The following CNTN3 variants were observed in gnomAD, a reference collection of about 807,000 sequenced individuals.
The protein encoded by CNTN3 is contactin 3, also known as contactin-3.
CNTN3 carries 60 observed loss-of-function variants against 119.1 expected under a neutral mutation model. The ratio of observed to expected loss-of-function variants is 0.50; its 90% CI spans 0.41 to 0.62. CNTN3 has a LOEUF of 0.62. CNTN3 is among the 20% of genes least tolerant of loss of function. The probability of loss-of-function intolerance (pLI) is 0.00; values close to 1 mark genes in which losing one functional copy is unlikely to be tolerated. For synonymous variants in CNTN3, 450 were observed against 438.7 expected, an observed-to-expected ratio of 1.03 and a Z score of -0.32; for missense variants, 1,101 against 1,242.4, an observed-to-expected ratio of 0.89 and a Z score of 1.71.
rs541776654 is a variant in CNTN3 at position 74,554,210 on chromosome 3, C to CA, written c.-80-33019dup. Among the ~76,000 whole-genome samples, 183 of 152,192 alleles carry CA rather than the reference C, an allele frequency of 1.2e-3. 4 individuals are homozygous for CA. In the South Asian group the frequency reaches 0.029, roughly 24 times the overall value. ...CATTGCTTGTTTTTGTTAGGTTTGT[C>CA]AAAGATCAGCTAGTGGTTGATGTGT... On this transcript the variant is annotated intron_variant, in intron 1 of 22. Transcript: ENST00000263665.
At chr3:74,393,266 G>A (rs551202966) in intron 5 of CNTN3, among the ~76,000 whole-genome samples, 1 of 152,236 alleles carries the variant, frequency 6.6e-6, no homozygotes, top group Non-Finnish European at 1.5e-5. Flanking sequence ...GTCTGTGTCT[G>A]AGAACACGCA....
intron 2 of CNTN3, among the ~76,000 whole-genome samples, chr3:74,507,748 C>T (rs2107096815): frequency 6.6e-6 from 1 of 151,328 alleles, no homozygotes; most frequent in South Asian, 2.1e-4. Context: ...TCTTCTGCCT[C>T]AGCCTCCTGA....
intron 4 of CNTN3, among the ~76,000 whole-genome samples, chr3:74,456,664 T>G (rs6776512): frequency 0.71 from 107,783 of 151,950 alleles, 38,550 homozygotes; most frequent in African/African-American, 0.79. Flanking sequence ...AAACAAAACA[T>G]TTGGATTGTT....
chr3:74,589,654 A>G (rs879864492), intron 1 of CNTN3, among the ~76,000 whole-genome samples: 4 of 147,682 alleles, frequency 2.7e-5, no homozygotes, highest in Admixed American at 2.7e-4. Flanking sequence ...AGACACATGC[A>G]CACGTATGTT....
At chr3:74,302,396 T>C (rs902583061) in intron 14 of CNTN3, among the ~76,000 whole-genome samples, 3 of 152,206 alleles carry the variant, frequency 2.0e-5, no homozygotes, top group African/African-American at 7.2e-5. Context: ...CTGCACAATA[T>C]TCTCTCTCAA....
intron 1 of CNTN3, among the ~76,000 whole-genome samples, chr3:74,572,708 G>C (rs749361000): frequency 6.6e-6 from 1 of 152,126 alleles, no homozygotes; most frequent in Non-Finnish European, 1.5e-5. Context: ...TTAATTACTT[G>C]CATAATTAAA....
At chr3:74,468,626 T>G (rs1313855986) in intron 4 of CNTN3, among the ~76,000 whole-genome samples, 1 of 152,096 alleles carries the variant, frequency 6.6e-6, no homozygotes, top group Non-Finnish European at 1.5e-5. Context: ...CTAAAACCAT[T>G]TAGATAAGAC....
At chr3:74,491,362 G>T (rs1367721857) in intron 3 of CNTN3, among the ~76,000 whole-genome samples, 1 of 151,972 alleles carries the variant, frequency 6.6e-6, no homozygotes, top group African/African-American at 2.4e-5. Flanking sequence ...AATTAGCCAG[G>T]TGTGATGGCA....
rs541085696 is a variant in CNTN3 at position 74,529,277 on chromosome 3, T to A, written c.-80-8085A>T. ...ATGGATTAACAATAGAAAAGTAATGTATCTTCCACGTTAAAATATTTCAAA... is the reference window on the plus strand; with the variant it reads ...ATGGATTAACAATAGAAAAGTAATGAATCTTCCACGTTAAAATATTTCAAA... On this transcript the variant is annotated intron_variant, in intron 1 of 22. Coordinates refer to ENST00000263665, the MANE Select transcript of CNTN3 (RefSeq NM_020872.3). Among the ~76,000 whole-genome samples the A allele has an allele frequency of 5.3e-5, 8 of 151,908 alleles. No homozygotes were observed. The South Asian group carries it at 1.2e-3, about 24-fold the overall frequency.
intron 1 of CNTN3, among the ~76,000 whole-genome samples, chr3:74,526,440 C>T (rs1261413577): frequency 6.6e-6 from 1 of 151,796 alleles, no homozygotes; most frequent in East Asian, 2.0e-4. Flanking sequence ...TCATGCATCA[C>T]ATAACTGATT....
In CNTN3 at chr3:74,263,167, T is replaced by C. The variant is rs957848099; in HGVS notation, c.*1234A>G. ...TCTGCTGATTTTAATTTATTCTCTATATATTGCTATGAAGTCACGTCTTCA... is the reference window on the plus strand; with the variant it reads ...TCTGCTGATTTTAATTTATTCTCTACATATTGCTATGAAGTCACGTCTTCA... On this transcript the variant is annotated 3_prime_UTR_variant, in exon 23 of 23. Transcript: ENST00000263665. 1.3e-5 allele frequency: 2 copies of C among 152,160 alleles called. No individual in the cohort carries two copies. Among genetic ancestry groups the C allele is most frequent in the Admixed American group, 6.6e-5 (1 of 15,260 alleles). The allele number at this position is 152,160 out of a possible 1,614,324, so 9.4% of individuals were successfully genotyped here.
chr3:74,477,903 G>C (rs1194492449), intron 4 of CNTN3, among the ~76,000 whole-genome samples: 3 of 151,956 alleles, frequency 2.0e-5, no homozygotes, highest in Non-Finnish European at 4.4e-5. Flanking sequence ...CCAGATGCAA[G>C]AATGGGTGCA....
At chr3:74,569,084 G>A (rs1704271717) in intron 1 of CNTN3, among the ~76,000 whole-genome samples, 1 of 152,160 alleles carries the variant, frequency 6.6e-6, no homozygotes, top group South Asian at 2.1e-4. Flanking sequence ...GAACTTGGCA[G>A]ATTAAGCAGA....
intron 5 of CNTN3, among the ~76,000 whole-genome samples, chr3:74,399,954 A>AATTG (rs1705152519): frequency 6.6e-6 from 1 of 152,156 alleles, no homozygotes; most frequent in African/African-American, 2.4e-5. Flanking sequence ...ATGGTGTCTT[A>AATTG]CTGATGTTTT....
intron 5 of CNTN3, among the ~76,000 whole-genome samples, chr3:74,378,934 A>G (rs998043464): frequency 2.0e-5 from 3 of 152,036 alleles, no homozygotes; most frequent in Non-Finnish European, 2.9e-5. Flanking sequence ...GGTACTCACT[A>G]TTTCCTTTTT....
At chr3:74,277,209 C>T (rs1187182413) in intron 20 of CNTN3, among the ~76,000 whole-genome samples, 1 of 151,482 alleles carries the variant, frequency 6.6e-6, no homozygotes, top group Non-Finnish European at 1.5e-5. Context: ...ACCATTGGAA[C>T]CAATCCTGTT....
At position 74,613,706 on chromosome 3, in the gene CNTN3, C is replaced by CG. The variant is rs1288622512; in HGVS notation, c.-81+684dup. On this transcript the variant is annotated intron_variant, in intron 1 of 22. Transcript: ENST00000263665. ...CTGATGGTGCTATGACCCCGGTGCC[C>CG]GGTTGGCACTTCCTGGTTTTCTGTT... is the stretch of plus-strand genomic sequence containing the variant. Among the ~76,000 whole-genome samples the CG allele has an allele frequency of 4.6e-5, 7 of 152,166 alleles. No homozygotes were observed. The East Asian group carries it at 1.2e-3, about 25-fold the overall frequency.
chr3:74,311,554 A>T (rs605122), intron 13 of CNTN3, among the ~76,000 whole-genome samples: 53,547 of 152,120 alleles, frequency 0.35, 10,766 homozygotes, highest in East Asian at 0.72. Flanking sequence ...TGTTCAGATC[A>T]GTTAAATGTT....
chr3:74,569,369 A>G (rs1704275458), intron 1 of CNTN3, among the ~76,000 whole-genome samples: 1 of 151,710 alleles, frequency 6.6e-6, no homozygotes, highest in African/African-American at 2.4e-5. Flanking sequence ...ATGGGGTGTA[A>G]TCTACACTCC....
Sources: gnomAD v4.1 joint callset for allele counts (sites outside exome capture counted in the v4.1 genomes callset) on GRCh38, gnomAD v4.1.1 for gene constraint, MANE v1.5 for transcripts, NCBI Gene and HGNC (gene_info 2026-07-23, HGNC 2026-07-21) for gene names.